Variants in GPC5 observed in about 807,000 individuals in gnomAD.
The protein encoded by GPC5 is glypican-5.
A neutral mutation model predicts 53.9 loss-of-function variants in GPC5; 47 were observed. The ratio of observed to expected loss-of-function variants is 0.87; its 90% CI spans 0.69 to 1.11. The LOEUF (loss-of-function observed/expected upper bound fraction) is 1.11, where lower values mean the gene tolerates loss of function less well. Among genes scored for constraint, GPC5 ranks in the 50% most tolerant of loss-of-function variants. The pLI is 0.00. For synonymous variants in GPC5, 286 were observed against 263.3 expected (o/e 1.09, Z -0.84); for missense variants, 748 against 713.1 (o/e 1.05, Z -0.56).
At chr13:91,849,729 A>G (rs1304140064) in intron 5 of GPC5, among the ~76,000 whole-genome samples, 1 of 152,194 alleles carries the variant, frequency 6.6e-6, no homozygotes, top group Non-Finnish European at 1.5e-5. Flanking sequence ...AACCTCCAAA[A>G]ATTACATAAT....
intron 7 of GPC5, among the ~76,000 whole-genome samples, chr13:92,519,195 C>A (rs895934404): frequency 3.3e-5 from 5 of 152,140 alleles, no homozygotes; most frequent in African/African-American, 1.2e-4. Flanking sequence ...TTTAACACCC[C>A]ACTGTCAACA....
intron 7 of GPC5, among the ~76,000 whole-genome samples, chr13:92,360,988 A>T (rs972095354): frequency 2.0e-5 from 3 of 151,752 alleles, no homozygotes; most frequent in African/African-American, 7.3e-5. Context: ...TGACAATTCA[A>T]ACTCAGCCTC....
chr13:92,605,736 C>T (rs1884232560), intron 7 of GPC5, among the ~76,000 whole-genome samples: 3 of 151,962 alleles, frequency 2.0e-5, no homozygotes, highest in African/African-American at 7.2e-5. Context: ...ACTACAGGCG[C>T]CCGCCACCGC....
chr13:92,743,099 T>C (rs958587471), intron 7 of GPC5, among the ~76,000 whole-genome samples: 8 of 102,996 alleles, frequency 7.8e-5, no homozygotes, highest in African/African-American at 2.0e-4. Flanking sequence ...TTTAAAGTAG[T>C]TTTTTTTTTC....
intron 6 of GPC5, among the ~76,000 whole-genome samples, chr13:92,099,602 A>G (rs1361173299): frequency 6.6e-6 from 1 of 152,218 alleles, no homozygotes; most frequent in Non-Finnish European, 1.5e-5. Flanking sequence ...AAAATAAACC[A>G]TGATTATCTA....
intron 6 of GPC5, among the ~76,000 whole-genome samples, chr13:91,915,793 T>G (rs1045560133): frequency 2.0e-5 from 3 of 152,144 alleles, no homozygotes; most frequent in Admixed American, 2.0e-4. Context: ...TTTTAATAAT[T>G]GAAGTCACTG....
Position 91,473,507 on chromosome 13 carries a change from G to A in GPC5, c.325+24585G>A, listed in dbSNP as rs150446370. Among the ~76,000 whole-genome samples the A allele has an allele frequency of 6.6e-5, 10 of 152,180 alleles. No individual in the cohort carries two copies. The East Asian group carries it at 1.5e-3, about 24-fold the overall frequency. On this transcript the variant is annotated intron_variant, in intron 2 of 7. Transcript: ENST00000377067. Reference sequence around the variant, plus strand: ...TTAAAAAGTAATTGCAATTTTGTTTGTATGTTTAATTTCCATATATCTGAC... The same window carrying A: ...TTAAAAAGTAATTGCAATTTTGTTTATATGTTTAATTTCCATATATCTGAC...
At chr13:92,784,408 C>T (rs1404486407) in intron 7 of GPC5, among the ~76,000 whole-genome samples, 16 of 151,576 alleles carry the variant, frequency 1.1e-4, no homozygotes, top group Admixed American at 1.1e-3. Context: ...ATGAAAATTG[C>T]CAGAGGGAGT....
intron 2 of GPC5, among the ~76,000 whole-genome samples, chr13:91,497,484 A>G (rs190334969): frequency 1.3e-5 from 2 of 152,204 alleles, no homozygotes; most frequent in Admixed American, 1.3e-4. Flanking sequence ...GAAATGTCTT[A>G]TCTCTTCTTC....
intron 7 of GPC5, chr13:92,241,474 G>A (rs543179563): frequency 6.6e-6 from 1 of 152,144 alleles, no homozygotes; most frequent in African/African-American, 2.4e-5. Flanking sequence ...GTTAGTTCAA[G>A]AAATAGAAGG....
At chr13:91,663,062 G>A (rs1020033655) in intron 2 of GPC5, among the ~76,000 whole-genome samples, 2 of 152,152 alleles carry the variant, frequency 1.3e-5, no homozygotes, top group African/African-American at 4.8e-5. Context: ...GTTGTGGGGA[G>A]GAGAGATCTT....
At chr13:92,212,876 G>C (rs139047444) in intron 7 of GPC5, among the ~76,000 whole-genome samples, 1 of 152,186 alleles carries the variant, frequency 6.6e-6, no homozygotes, top group Non-Finnish European at 1.5e-5. Context: ...GCCTTCACTG[G>C]ACCAATTAAA....
intron 7 of GPC5, among the ~76,000 whole-genome samples, chr13:92,725,779 A>T (rs983705793): frequency 2.0e-5 from 3 of 151,792 alleles, no homozygotes; most frequent in African/African-American, 7.2e-5. Context: ...ATAGAATTTG[A>T]GAAAAATTTA....
intron 2 of GPC5, among the ~76,000 whole-genome samples, chr13:91,513,465 G>T (rs1442068660): frequency 6.6e-6 from 1 of 152,112 alleles, no homozygotes; most frequent in Non-Finnish European, 1.5e-5. Flanking sequence ...ACTGGGCTGG[G>T]CGCGGTGGCT....
chr13:92,642,155 A>G (rs1885616594), intron 7 of GPC5, among the ~76,000 whole-genome samples: 1 of 152,158 alleles, frequency 6.6e-6, no homozygotes, highest in Non-Finnish European at 1.5e-5. Context: ...CTTTGGGTCT[A>G]CCTGAACAGT....
intron 1 of GPC5, among the ~76,000 whole-genome samples, chr13:91,438,581 G>A (rs1880168343): frequency 1.3e-5 from 2 of 152,182 alleles, no homozygotes; most frequent in South Asian, 4.1e-4. Context: ...ACTGGGTGGT[G>A]CCTCCCAGTT....
intron 6 of GPC5, among the ~76,000 whole-genome samples, chr13:92,124,749 TA>T (rs1012559961): frequency 1.3e-4 from 19 of 151,210 alleles, no homozygotes; most frequent in African/African-American, 3.6e-4. Flanking sequence ...AAGAGCAGGA[TA>T]AAAAAAAACT....
chr13:92,524,366 A>G (rs770723855), intron 7 of GPC5, among the ~76,000 whole-genome samples: 3 of 152,156 alleles, frequency 2.0e-5, no homozygotes, highest in African/African-American at 4.8e-5. Flanking sequence ...CGTAAATGCT[A>G]TGTAAACAGT....
intron 7 of GPC5, among the ~76,000 whole-genome samples, chr13:92,825,906 T>C (rs1262038720): frequency 6.6e-6 from 1 of 152,180 alleles, no homozygotes; most frequent in East Asian, 1.9e-4. Context: ...ACATAAAATC[T>C]ATTGATTCTA....
Sources: gnomAD v4.1 joint callset for allele counts (sites outside exome capture counted in the v4.1 genomes callset) on GRCh38, gnomAD v4.1.1 for gene constraint, MANE v1.5 for transcripts, NCBI Gene and HGNC (gene_info 2026-07-23, HGNC 2026-07-21) for gene names.